The following STPG2 variants were observed in gnomAD, a reference collection of about 807,000 sequenced individuals.
STPG2 encodes the protein sperm tail PG-rich repeat containing 2, also known as sperm-tail PG-rich repeat-containing protein 2.
In STPG2, 56 loss-of-function variants were observed where a neutral mutation model predicts 54.2. That is an observed-to-expected ratio of 1.03 (90% CI 0.83 to 1.29). The LOEUF is 1.29. Ranked by LOEUF, STPG2 falls within the 50% of genes most tolerant of loss-of-function variation. The probability of loss-of-function intolerance (pLI) is 0.00; values close to 1 mark genes in which losing one functional copy is unlikely to be tolerated. For missense variants in STPG2, 596 were observed against 544.9 expected (o/e 1.09, Z -0.93); for synonymous variants, 200 against 181.8 (o/e 1.10, Z -0.81).
At chr4:97,698,503 C>T (rs1350008175) in intron 10 of STPG2, among the ~76,000 whole-genome samples, 3 of 152,114 alleles carry the variant, frequency 2.0e-5, no homozygotes, top group African/African-American at 7.2e-5. Flanking sequence ...TGTTGTGTCT[C>T]CTGGTGGCAG....
At chr4:97,986,745 T>C (rs923372414) in intron 5 of STPG2, among the ~76,000 whole-genome samples, 1 of 152,238 alleles carries the variant, frequency 6.6e-6, no homozygotes, top group Non-Finnish European at 1.5e-5. Flanking sequence ...TTTGGCAATA[T>C]ATTTTTCCTA....
At chr4:97,520,950 A>T (rs1731167627) in intron 4 of STPG2, among the ~76,000 whole-genome samples, 1 of 152,050 alleles carries the variant, frequency 6.6e-6, no homozygotes, top group African/African-American at 2.4e-5. Context: ...GTTTGATTAG[A>T]TAAATGTGGG....
intron 9 of STPG2, among the ~76,000 whole-genome samples, chr4:97,825,587 G>T (rs1728227669): frequency 6.6e-6 from 1 of 152,096 alleles, no homozygotes; most frequent in Non-Finnish European, 1.5e-5. Context: ...TGCTTATTAG[G>T]CCCTAGAAAC....
At chr4:97,478,726 T>A (rs1015295115) in intron 4 of STPG2, among the ~76,000 whole-genome samples, 77 of 152,082 alleles carry the variant, frequency 5.1e-4, no homozygotes, top group Admixed American at 6.6e-4. Context: ...GCTATCACGA[T>A]TGCCTAATAA....
At chr4:98,086,463 T>C (rs936748392) in intron 5 of STPG2, among the ~76,000 whole-genome samples, 1 of 152,002 alleles carries the variant, frequency 6.6e-6, no homozygotes, top group African/African-American at 2.4e-5. Context: ...GTACATATAA[T>C]AAGATTTAGC....
chr4:98,074,643 C>T (rs1414800455), intron 5 of STPG2, among the ~76,000 whole-genome samples: 3 of 152,178 alleles, frequency 2.0e-5, no homozygotes, highest in Non-Finnish European at 4.4e-5. Flanking sequence ...TTCCACTGAA[C>T]TTGTCTCCAA....
intron 6 of STPG2, among the ~76,000 whole-genome samples, chr4:97,975,355 C>G (rs1734464078): frequency 1.3e-5 from 2 of 151,966 alleles, no homozygotes; most frequent in African/African-American, 4.8e-5. Context: ...AATACAGCAG[C>G]AATAAAATAC....
At chr4:97,762,686 C>T (rs578186880) in intron 9 of STPG2, among the ~76,000 whole-genome samples, 117 of 152,172 alleles carry the variant, frequency 7.7e-4, no homozygotes, top group Admixed American at 1.5e-3. Context: ...ACACTAACTT[C>T]AAGTATTCCA....
At chr4:97,795,304 G>C (rs886153546) in intron 9 of STPG2, among the ~76,000 whole-genome samples, 1 of 152,002 alleles carries the variant, frequency 6.6e-6, no homozygotes, top group Non-Finnish European at 1.5e-5. Context: ...CCAATAACTC[G>C]TCATTTACAT....
chr4:97,877,189 T>C (rs1296782389), intron 8 of STPG2, among the ~76,000 whole-genome samples: 1 of 152,216 alleles, frequency 6.6e-6, no homozygotes, highest in Admixed American at 6.5e-5. Flanking sequence ...TGAAACTTTG[T>C]ACCCTTTAAT....
intron 5 of STPG2, among the ~76,000 whole-genome samples, chr4:98,078,147 T>G (rs1738231593): frequency 6.6e-6 from 1 of 152,146 alleles, no homozygotes; most frequent in Non-Finnish European, 1.5e-5. Context: ...AACATACATT[T>G]TTGAACAAAA....
intron 5 of STPG2, among the ~76,000 whole-genome samples, chr4:98,062,822 A>G (rs1220523166): frequency 1.3e-5 from 2 of 152,134 alleles, no homozygotes; most frequent in South Asian, 2.1e-4. Context: ...TCCATTGGAT[A>G]TTAATTAAAT....
chr4:97,589,121 T>C (rs983621456), intron 10 of STPG2, among the ~76,000 whole-genome samples: 2 of 152,142 alleles, frequency 1.3e-5, no homozygotes, highest in Middle Eastern at 3.4e-3. Flanking sequence ...TGTGTTAATA[T>C]GGAAAAATCT....
At chr4:97,936,102 T>C (rs1732737140) in intron 8 of STPG2, among the ~76,000 whole-genome samples, 1 of 152,246 alleles carries the variant, frequency 6.6e-6, no homozygotes, top group Non-Finnish European at 1.5e-5. Flanking sequence ...TTAATTCTTC[T>C]TATTAAATTC....
At position 97,675,699 on chromosome 4, in the gene STPG2, G is replaced by A. The variant is rs143881716; in HGVS notation, c.1320+37000C>T. Among the ~76,000 whole-genome samples, 63 of 151,500 alleles carry A rather than the reference G, an allele frequency of 4.2e-4. 1 individual carries two copies. Among genetic ancestry groups the A allele is most frequent in the African/African-American group, 1.0e-3 (43 of 41,290 alleles). On this transcript the variant is annotated intron_variant, in intron 10 of 10. Transcript: ENST00000295268. The stretch of plus-strand genomic sequence containing the variant: ...TGTGTGTGTGTGTGTGTGTGCGCGC[G>A]CGTGCTTTATATATGAAGCCACCTT...
intron 10 of STPG2, among the ~76,000 whole-genome samples, chr4:97,675,727 C>A (rs1380982166): frequency 6.6e-6 from 1 of 151,458 alleles, no homozygotes; most frequent in East Asian, 1.9e-4. Flanking sequence ...GCCACCTTCC[C>A]TCCTGGGTTG....
At chr4:98,005,137 A>T (rs1335322370) in intron 5 of STPG2, among the ~76,000 whole-genome samples, 1 of 152,166 alleles carries the variant, frequency 6.6e-6, no homozygotes, top group Non-Finnish European at 1.5e-5. Flanking sequence ...CGTCCAGCAC[A>T]TGAGAAAGAA....
intron 5 of STPG2, among the ~76,000 whole-genome samples, chr4:98,092,025 T>A (rs1738709398): frequency 6.6e-6 from 1 of 152,068 alleles, no homozygotes; most frequent in Non-Finnish European, 1.5e-5. Context: ...TGAATGAGTA[T>A]GACTTTGGTA....
chr4:97,486,728 G>A (rs1406621846), intron 4 of STPG2, among the ~76,000 whole-genome samples: 2 of 151,382 alleles, frequency 1.3e-5, no homozygotes, highest in African/African-American at 2.4e-5. Context: ...CATGTTTATA[G>A]CAGCACAATT....
Sources: gnomAD v4.1 joint callset for allele counts (sites outside exome capture counted in the v4.1 genomes callset) on GRCh38, gnomAD v4.1.1 for gene constraint, MANE v1.5 for transcripts, NCBI Gene and HGNC (gene_info 2026-07-23, HGNC 2026-07-21) for gene names.